The following PDE9A variants were observed in gnomAD, a reference collection of about 807,000 sequenced individuals.
PDE9A encodes high affinity cGMP-specific 3',5'-cyclic phosphodiesterase 9A.
In PDE9A, 60 loss-of-function variants were observed where a neutral mutation model predicts 87.4. The observed-to-expected ratio is 0.69, with a 90% confidence interval of 0.56 to 0.85. PDE9A has a LOEUF of 0.85. PDE9A is among the 40% of genes least tolerant of loss of function. The pLI, the probability that PDE9A is intolerant of heterozygous loss-of-function variation, is 0.00. For missense variants in PDE9A, 665 were observed against 779.0 expected (o/e 0.85, Z 1.74); for synonymous variants, 272 against 279.4 (o/e 0.97, Z 0.27).
intron 4 of PDE9A, among the ~76,000 whole-genome samples, chr21:42,699,376 G>C (rs1027702962): frequency 2.1e-4 from 32 of 152,182 alleles, no homozygotes; most frequent in African/African-American, 7.7e-4. Context: ...CCCTCGGCCA[G>C]AGGCCATCCC....
rs71316185 is a variant in PDE9A, at chr21:42,692,884, C to T, written c.218+4890C>T. Among the ~76,000 whole-genome samples, 3,405 of 152,306 alleles carry T rather than the reference C, an allele frequency of 0.022. 68 individuals carry two copies. Among genetic ancestry groups the T allele is most frequent in the Middle Eastern group, 0.037 (11 of 294 alleles). On this transcript the variant is annotated intron_variant, in intron 3 of 19. Transcript: ENST00000291539. This position sits in a 1 kb window ranked among gnomAD's most constrained non-coding sequence, Gnocchi z 4.3. ...CTTGCTCCTCGCACTCTTCCTGCAC[C>T]GGAGCCGCGGTGCGAGGCCTCGGGA...
chr21:42,719,126 A>T (rs1225386459), intron 4 of PDE9A, among the ~76,000 whole-genome samples: 2 of 151,726 alleles, frequency 1.3e-5, no homozygotes, highest in African/African-American at 4.8e-5. Context: ...CTAGGCCCAC[A>T]AACATGCGTC....
chr21:42,662,770 A>G (rs1458679015), intron 1 of PDE9A, among the ~76,000 whole-genome samples: 1 of 122,902 alleles, frequency 8.1e-6, no homozygotes, highest in Non-Finnish European at 1.6e-5. Context: ...ACACACAAGG[A>G]CACACACCAC....
chr21:42,656,070 A>G (rs1469544615), intron 1 of PDE9A, among the ~76,000 whole-genome samples: 4 of 152,332 alleles, frequency 2.6e-5, no homozygotes, highest in Non-Finnish European at 5.9e-5. Context: ...CGCTGCCATC[A>G]GCCGCCATTC....
At chr21:42,726,624 A>ATATATATATTTT in intron 4 of PDE9A, among the ~76,000 whole-genome samples, 40 of 19,778 alleles carry the variant, frequency 2.0e-3, no homozygotes, top group Non-Finnish European at 2.7e-3. Flanking sequence ...ATATATATAT[A>ATATATATATTTT]TTTTTTTTTT....
At chr21:42,668,895 T>TCCCCCCCCCCC (rs1229611821) in intron 1 of PDE9A, among the ~76,000 whole-genome samples, 13 of 99,640 alleles carry the variant, frequency 1.3e-4, no homozygotes, top group African/African-American at 5.6e-4. Context: ...AGCTGCTCCC[T>TCCCCCCCCCCC]CCACCCCCCG....
At chr21:42,747,082 G>T (rs930961830) in intron 8 of PDE9A, among the ~76,000 whole-genome samples, 1 of 152,196 alleles carries the variant, frequency 6.6e-6, no homozygotes, top group Non-Finnish European at 1.5e-5. Flanking sequence ...CCCCAGCCGC[G>T]TCATGTGCCC....
chr21:42,743,785 TA>T lies in PDE9A; in HGVS notation c.582del (p.Val195TrpfsTer14). 1.3e-6 allele frequency: 2 copies of T among 1,588,096 alleles called. No individual in the cohort carries two copies. Among genetic ancestry groups the T allele is most frequent in the Non-Finnish European group, 1.7e-6 (2 of 1,165,134 alleles). On this transcript the variant is annotated frameshift_variant, in exon 8 of 20. Transcript: ENST00000291539. LOFTEE classifies it high-confidence loss of function. Reference sequence around the variant, plus strand: ...CTCTCTCTGTCACCAGTGGAAGGACTAAAAGTGGTGGAGATTGAGAAATGCA... The same window carrying T: ...CTCTCTCTGTCACCAGTGGAAGGACTAAAGTGGTGGAGATTGAGAAATGCA... Reference protein sequence around the residue: ...VLEKRVELEGLKVVEIEKCKS... With the variant: ...VLEKRVELEGXKVVEIEKCKS...
intron 7 of PDE9A, among the ~76,000 whole-genome samples, chr21:42,738,740 C>T (rs985938936): frequency 1.2e-4 from 18 of 152,170 alleles, no homozygotes; most frequent in Non-Finnish European, 7.3e-5. Flanking sequence ...CAGTGGAGTG[C>T]AGTGGTGTGA....
intron 1 of PDE9A, among the ~76,000 whole-genome samples, chr21:42,669,573 G>A (rs569957640): frequency 5.5e-4 from 84 of 152,206 alleles, no homozygotes; most frequent in African/African-American, 2.0e-3. Flanking sequence ...TCGGAGCCTC[G>A]GCGTCAAAAT....
chr21:42,740,704 G>GTAGACAGA (rs2053110129), intron 7 of PDE9A, among the ~76,000 whole-genome samples: 1 of 133,346 alleles, frequency 7.5e-6, no homozygotes, highest in Non-Finnish European at 1.6e-5. Flanking sequence ...TAGGTAGGTA[G>GTAGACAGA]TAGATAGATA....
At chr21:42,721,003 CT>C (rs1379979768) in intron 4 of PDE9A, among the ~76,000 whole-genome samples, 1 of 150,586 alleles carries the variant, frequency 6.6e-6, no homozygotes, top group Non-Finnish European at 1.5e-5. Flanking sequence ...GAAACTCCGT[CT>C]CAAAAAAAAA....
chr21:42,743,820 A>G lies in PDE9A; in HGVS notation c.613A>G (p.Ile205Val). 6.3e-7 allele frequency: 1 copy of G among 1,592,292 alleles called. No homozygotes were observed. The change falls in exon 8 of 20, where the codon ATT (isoleucine) becomes GTT (valine). Residue 205 changes from isoleucine (I) to valine (V), a missense_variant. Physicochemically the swap from Ile to Val is conservative, Grantham distance 29 (BLOSUM62 3). Coordinates refer to ENST00000291539, the MANE Select transcript of PDE9A (RefSeq NM_002606.3). ...VVEIEKCKSDIKKMREELAAR... is the reference protein window; with the variant it reads ...VVEIEKCKSDVKKMREELAAR... ...GGAGATTGAGAAATGCAAGAGTGAC[A>G]TTAAGAAGATGAGGGAGGAGCTGGC... is the stretch of plus-strand genomic sequence containing the variant.
intron 17 of PDE9A, 83 bp downstream of exon 17, chr21:42,769,238 T>G (rs1167907499): frequency 4.6e-6 from 6 of 1,291,844 alleles, no homozygotes. Flanking sequence ...TATACACATA[T>G]GCACACAGGT....
Position 42,692,869 on chromosome 21 carries a change from G to A in PDE9A, c.218+4875G>A, listed in dbSNP as rs1161926845. ...TCGGGGCCCGCACGCCTTGCTCCTCGCACTCTTCCTGCACCGGAGCCGCGG... is the reference window on the plus strand; with the variant it reads ...TCGGGGCCCGCACGCCTTGCTCCTCACACTCTTCCTGCACCGGAGCCGCGG... On this transcript the variant is annotated intron_variant, in intron 3 of 19. Coordinates refer to ENST00000291539, the MANE Select transcript of PDE9A (RefSeq NM_002606.3). This position sits in a 1 kb window ranked among gnomAD's most constrained non-coding sequence, Gnocchi z 4.3. Among the ~76,000 whole-genome samples, 2 of 152,248 alleles carry A rather than the reference G, an allele frequency of 1.3e-5. No homozygotes were observed. The highest frequency in any genetic ancestry group is 4.1e-4 in the South Asian group (2 of 4,822).
At chr21:42,699,175 C>T in intron 4 of PDE9A, 164 bp downstream of exon 4, 1 of 586,254 alleles carries the variant, frequency 1.7e-6, no homozygotes, top group South Asian at 2.3e-5. Flanking sequence ...GCATTTGAAT[C>T]TGCATTTGAA....
intron 4 of PDE9A, chr21:42,701,083 C>T (rs1296036295): frequency 6.6e-6 from 1 of 152,168 alleles, no homozygotes; most frequent in Admixed American, 6.6e-5. Context: ...GTTGAGTCTT[C>T]TGGTTCATAA....
intron 8 of PDE9A, among the ~76,000 whole-genome samples, chr21:42,746,421 T>C (rs2053855301): frequency 6.6e-6 from 1 of 152,228 alleles, no homozygotes; most frequent in East Asian, 1.9e-4. Flanking sequence ...GGGAGGGACC[T>C]TCCCGGTCTC....
intron 7 of PDE9A, among the ~76,000 whole-genome samples, chr21:42,738,173 A>G (rs1252304344): frequency 6.6e-6 from 1 of 152,204 alleles, no homozygotes; most frequent in Non-Finnish European, 1.5e-5. Context: ...GGCTTGGACC[A>G]AAACCTAAAC....
Sources: allele counts gnomAD v4.1 joint callset (sites outside exome capture counted in the v4.1 genomes callset), GRCh38; gene constraint gnomAD v4.1.1; non-coding constraint Gnocchi (gnomAD v3.1); transcripts MANE v1.5; gene names NCBI Gene and HGNC (gene_info 2026-07-23, HGNC 2026-07-21).